Variants in ALS2 observed in about 807,000 individuals in gnomAD.
ALS2 encodes alsin.
ALS2 carries 117 observed loss-of-function variants against 203.4 expected under a neutral mutation model. That is an observed-to-expected ratio of 0.58 (90% CI 0.50 to 0.67). ALS2 has a LOEUF of 0.67. ALS2 is among the 30% of genes least tolerant of loss of function. The probability of loss-of-function intolerance (pLI) is 0.00; values close to 1 mark genes in which losing one functional copy is unlikely to be tolerated. For synonymous variants in ALS2, 718 were observed against 725.9 expected (o/e 0.99, Z 0.17); for missense variants, 1,715 against 1,989.4 (o/e 0.86, Z 2.62).
intron 4 of ALS2, among the ~76,000 whole-genome samples, chr2:201,758,930 C>T (rs780709438): frequency 5.3e-5 from 8 of 152,060 alleles, no homozygotes; most frequent in Admixed American, 1.3e-4. Flanking sequence ...GCAAATTAGT[C>T]TGTAAATAGT....
At chr2:201,777,383 G>T (rs1694707568) in intron 1 of ALS2, among the ~76,000 whole-genome samples, 1 of 152,026 alleles carries the variant, frequency 6.6e-6, no homozygotes, top group Non-Finnish European at 1.5e-5. Flanking sequence ...CTTTCTTATT[G>T]CAGGGAAAGA....
At chr2:201,749,202 C>G (rs1176419132) in intron 8 of ALS2, among the ~76,000 whole-genome samples, 1 of 138,968 alleles carries the variant, frequency 7.2e-6, no homozygotes, top group Non-Finnish European at 1.6e-5. Context: ...TAAACTAAAA[C>G]CAATCCATCT....
chr2:201,723,124 C>T lies in ALS2; in HGVS notation c.3625-4G>A. On this transcript the variant is annotated splice_region_variant and splice_polypyrimidine_tract_variant and intron_variant, in intron 22 of 33. Transcript: ENST00000264276. ...CGGAAAGCAAAACCCCATTTCCCTA[C>T]AAGAAGAAACAAGAGAAAAATTACA... is the stretch of plus-strand genomic sequence containing the variant. The T allele has an allele frequency of 6.2e-7, 1 of 1,607,102 alleles. No homozygotes were observed. The highest frequency in any genetic ancestry group is 8.5e-7 in the Non-Finnish European group (1 of 1,173,892).
intron 9 of ALS2, among the ~76,000 whole-genome samples, chr2:201,745,164 C>T (rs751399756): frequency 2.6e-5 from 4 of 152,176 alleles, no homozygotes; most frequent in African/African-American, 4.8e-5. Flanking sequence ...GAATGTAAAG[C>T]CAGGACTGGC....
In ALS2 at chr2:201,726,791, T is replaced by C; in HGVS notation, c.3055A>G (p.Ser1019Gly). Residue 1019 changes from serine to glycine, a missense_variant, in exon 18 of 34, where the codon AGT (serine) becomes GGT (glycine). Around this residue, in one of 3 missense-constraint regions of ALS2, gnomAD observed 1,227 missense variants for 1,413.5 expected, o/e 0.87. Coordinates refer to ENST00000264276, the MANE Select transcript of ALS2 (RefSeq NM_020919.4). ...RGMSDLPPYG[S>G]GSSVQRQEPP... ...TCCTGTCTCTGAACACTGCTACCAC[T>C]TCCATAAGGGGGGAGATCAGACATC... 1 of 1,614,162 alleles carries C rather than the reference T, an allele frequency of 6.2e-7. No individual in the cohort carries two copies. The highest frequency in any genetic ancestry group is 8.5e-7 in the Non-Finnish European group (1 of 1,180,020).
chr2:201,753,439 A>C (rs1053202316), intron 6 of ALS2, among the ~76,000 whole-genome samples, 197 bp from the exon 7 acceptor site: 12 of 152,230 alleles, frequency 7.9e-5, no homozygotes, highest in African/African-American at 2.4e-4. Context: ...TTGTCTATCA[A>C]TCACTAATTA....
intron 1 of ALS2, among the ~76,000 whole-genome samples, chr2:201,771,560 C>T (rs1694384111): frequency 6.6e-6 from 1 of 152,152 alleles, no homozygotes; most frequent in Admixed American, 6.5e-5. Flanking sequence ...TTTACCAACT[C>T]TATTTAATCT....
chr2:201,771,139 C>T (rs1694360988), intron 1 of ALS2, among the ~76,000 whole-genome samples: 1 of 150,476 alleles, frequency 6.6e-6, no homozygotes, highest in South Asian at 2.1e-4. Context: ...CTCCGCCTCC[C>T]AGGTTCAAGC....
At chr2:201,757,855 A>G (rs1306288445) in intron 4 of ALS2, 96 bp from the exon 5 acceptor site, 1 of 962,904 alleles carries the variant, frequency 1.0e-6, no homozygotes, top group African/African-American at 1.7e-5. Flanking sequence ...CGCTATTTGC[A>G]TGTAAGAATC....
rs928196368 is a variant in ALS2, at chr2:201,700,689, T to C, written c.*1162A>G. Reference sequence around the variant, plus strand: ...TCCTTTTTCAAAAGTAATTAACATCTTCTCAGTCACTTAACACAAATCAGG... The same window carrying C: ...TCCTTTTTCAAAAGTAATTAACATCCTCTCAGTCACTTAACACAAATCAGG... On this transcript the variant is annotated 3_prime_UTR_variant, in exon 34 of 34. Transcript: ENST00000264276. 1.3e-5 allele frequency: 2 copies of C among 152,672 alleles called. No homozygotes were observed. The highest frequency in any genetic ancestry group is 2.9e-5 in the Non-Finnish European group (2 of 68,048). 9.5% of individuals were successfully genotyped at this position (152,672 alleles called of 1,614,324 possible). A position where few individuals can be genotyped will look rare whatever the true frequency, so the allele number is the denominator to read the frequency against.
Position 201,724,302 on chromosome 2 carries a change from T to A in ALS2, c.3505A>T (p.Ile1169Phe), listed in dbSNP as rs1274168213. 1 of 1,613,504 alleles carries A rather than the reference T, an allele frequency of 6.2e-7. No individual in the cohort carries two copies. The highest frequency in any genetic ancestry group is 8.5e-7 in the Non-Finnish European group (1 of 1,179,626). ...AGAAGGAGAATACTGTACCTAGTGATATCATCAAAGACACCATATCCTGCT... is the reference window on the plus strand; with the variant it reads ...AGAAGGAGAATACTGTACCTAGTGAAATCATCAAAGACACCATATCCTGCT... ...KKAGYGVFDD[I>F]TRGEKYMGMW... The change falls in exon 21 of 34, where the codon ATC becomes TTC. Residue 1169 changes from isoleucine to phenylalanine, a missense_variant. Physicochemically the swap from Ile to Phe is conservative, Grantham distance 21 (BLOSUM62 0). Transcript: ENST00000264276.
intron 1 of ALS2, among the ~76,000 whole-genome samples, chr2:201,769,875 G>C (rs903717481): frequency 1.3e-5 from 2 of 152,134 alleles, no homozygotes; most frequent in Admixed American, 1.3e-4. Context: ...GGGTCCATCT[G>C]TTTCCTCCAG....
At chr2:201,721,144 A>C (rs1690769557) in intron 23 of ALS2, among the ~76,000 whole-genome samples, 1 of 152,256 alleles carries the variant, frequency 6.6e-6, no homozygotes, top group African/African-American at 2.4e-5. Flanking sequence ...TGAAACCTGG[A>C]AAATATTGCC....
chr2:201,739,235 C>CAA (rs34341730), intron 11 of ALS2, among the ~76,000 whole-genome samples: 54 of 41,060 alleles, frequency 1.3e-3, no homozygotes, highest in East Asian at 3.9e-3. Flanking sequence ...GACTGTCTCC[C>CAA]AAAAAAAAAA....
At position 201,726,680 on chromosome 2, in the gene ALS2, C is replaced by T; in HGVS notation, c.3166G>A (p.Gly1056Arg). ...DATYDGRWLSGKPHGRGVLKW... is the reference protein window; with the variant it reads ...DATYDGRWLSRKPHGRGVLKW... ...CATTTTCACCTGCCATGAGGCTTCC[C>T]TGAAAGCCAGCGTCCATCATAGGTG... is the stretch of plus-strand genomic sequence containing the variant. The change falls in exon 18 of 34, where the codon GGG becomes AGG. Residue 1056 changes from glycine (G) to arginine (R), a missense_variant. Gly to Arg is a moderately radical substitution (Grantham distance 125). This residue lies in a region of ALS2 where 1,227 missense variants were observed against 1,413.5 expected (regional missense o/e 0.87). Coordinates refer to ENST00000264276, the MANE Select transcript of ALS2 (RefSeq NM_020919.4). The T allele has an allele frequency of 6.2e-7, 1 of 1,614,182 alleles. No individual in the cohort carries two copies. Among genetic ancestry groups the T allele is most frequent in the Admixed American group, 1.7e-5 (1 of 60,020 alleles).
At chr2:201,718,259 A>C in intron 23 of ALS2, 49 bp from the exon 24 acceptor site, 1 of 1,572,116 alleles carries the variant, frequency 6.4e-7, no homozygotes. Context: ...AATATATTCA[A>C]TATTCATTTA....
chr2:201,737,530 A>C (rs1691956361), intron 12 of ALS2, among the ~76,000 whole-genome samples: 1 of 152,242 alleles, frequency 6.6e-6, no homozygotes, highest in Non-Finnish European at 1.5e-5. Context: ...AAAAACCTAA[A>C]GTAATCATTT....
At chr2:201,732,854 C>G (rs1456073039) in intron 13 of ALS2, among the ~76,000 whole-genome samples, 1 of 152,172 alleles carries the variant, frequency 6.6e-6, no homozygotes, top group Non-Finnish European at 1.5e-5. Flanking sequence ...ACCTAAACAC[C>G]TGGCATAAAG....
chr2:201,765,443 A>G (rs1694027360), intron 3 of ALS2: 1 of 166,842 alleles, frequency 6.0e-6, no homozygotes, highest in African/African-American at 2.4e-5. Flanking sequence ...GGTATTGAAT[A>G]TAGTTCACAC....
Sources: gnomAD v4.1 joint callset for allele counts (sites outside exome capture counted in the v4.1 genomes callset) on GRCh38, gnomAD v4.1.1 for gene constraint, gnomAD v4.1.1 regional missense constraint, MANE v1.5 for transcripts, NCBI Gene and HGNC (gene_info 2026-07-23, HGNC 2026-07-21) for gene names.